Variants in PDIA3 observed in about 807,000 individuals in gnomAD.
The protein encoded by PDIA3 is protein disulfide isomerase family A member 3.
Under a neutral mutation model 56.9 loss-of-function variants are expected in PDIA3, and 16 were observed. The observed-to-expected ratio is 0.28, with a 90% CI of 0.19 to 0.43. The LOEUF is 0.43. Among genes scored for constraint, PDIA3 ranks in the 20% least tolerant of loss-of-function variants. The pLI is 1.00. For synonymous variants in PDIA3, 192 were observed against 216.5 expected (o/e 0.89, Z 0.99); for missense variants, 485 against 621.3 (o/e 0.78, Z 2.33).
In PDIA3 at chr15:43,753,805, T is replaced by C. The variant is rs776681640; in HGVS notation, c.168-19T>C. 3.2e-6 allele frequency: 5 copies of C among 1,581,016 alleles called. No homozygotes were observed. The South Asian group carries it at 3.3e-5, about 11-fold the overall frequency. On this transcript the variant is annotated intron_variant, in intron 1 of 12. Transcript: ENST00000300289. Reference sequence around the variant, plus strand: ...CATAGGACTAAACTGAGAATTTGGCTTTTTTAATACGTATATAGGTGTGGA... The same window carrying C: ...CATAGGACTAAACTGAGAATTTGGCCTTTTTAATACGTATATAGGTGTGGA...
intron 1 of PDIA3, among the ~76,000 whole-genome samples, chr15:43,750,821 C>T (rs1280649780): frequency 6.6e-6 from 1 of 150,498 alleles, no homozygotes; most frequent in Non-Finnish European, 1.5e-5. Flanking sequence ...GATGTGTATG[C>T]TACCCTCTAA....
chr15:43,762,560 T>C (rs1346235178), intron 4 of PDIA3, among the ~76,000 whole-genome samples: 1 of 152,030 alleles, frequency 6.6e-6, no homozygotes, highest in Non-Finnish European at 1.5e-5. Context: ...TATGGTTTAC[T>C]GTTTAAATTT....
intron 2 of PDIA3, 90 bp downstream of exon 2, chr15:43,753,992 A>G (rs1481107529): frequency 2.4e-6 from 2 of 839,360 alleles, no homozygotes; most frequent in Non-Finnish European, 2.0e-6. Flanking sequence ...AAAAAATAAC[A>G]GTAATAAATA....
chr15:43,748,761 G>A (rs1396077615), intron 1 of PDIA3, among the ~76,000 whole-genome samples: 2 of 149,464 alleles, frequency 1.3e-5, no homozygotes, highest in African/African-American at 5.0e-5. Context: ...TTTTTTGTGT[G>A]TGTGTTTGTG....
chr15:43,749,964 G>T (rs2141642663), intron 1 of PDIA3, among the ~76,000 whole-genome samples: 1 of 151,482 alleles, frequency 6.6e-6, no homozygotes, highest in Non-Finnish European at 1.5e-5. Flanking sequence ...AGTAAAATGG[G>T]CTTTTTTTTT....
At chr15:43,757,049 C>T (rs996996365) in intron 3 of PDIA3, among the ~76,000 whole-genome samples, 1 of 152,150 alleles carries the variant, frequency 6.6e-6, no homozygotes, top group Non-Finnish European at 1.5e-5. Flanking sequence ...TATACTAGGT[C>T]GTTGGCATTT....
rs1224941412 is a variant in PDIA3 at position 43,770,305 on chromosome 15, T to C, written c.1322T>C (p.Val441Ala). 1.9e-6 allele frequency: 3 copies of C among 1,613,958 alleles called. No individual in the cohort carries two copies. The highest frequency in any genetic ancestry group is 3.3e-4 in the Middle Eastern group (2 of 6,084). ...IAKMDATAND[V>A]PSPYEVRGFP... ...AAGATGGATGCCACAGCCAATGATGTGCCTTCTCCATATGAAGTCAGAGGG... is the reference window on the plus strand; with the variant it reads ...AAGATGGATGCCACAGCCAATGATGCGCCTTCTCCATATGAAGTCAGAGGG... Residue 441 changes from valine to alanine, a missense_variant, in exon 11 of 13, where the codon GTG becomes GCG. By Grantham distance (64) the Val-to-Ala change is moderately conservative. Transcript: ENST00000300289.
At chr15:43,759,460 A>G (rs187476309) in intron 3 of PDIA3, among the ~76,000 whole-genome samples, 2 of 152,078 alleles carry the variant, frequency 1.3e-5, no homozygotes, top group Admixed American at 6.5e-5. Context: ...TTCCTCATCA[A>G]TGTTACAGGA....
chr15:43,770,998 T>C (rs1490105329), intron 12 of PDIA3, 107 bp from the exon 13 acceptor site: 1 of 702,820 alleles, frequency 1.4e-6, no homozygotes, highest in South Asian at 1.8e-5. Flanking sequence ...GGGCAGTATA[T>C]GTGGCTGCTA....
intron 3 of PDIA3, among the ~76,000 whole-genome samples, chr15:43,759,133 A>AG (rs2086798619): frequency 2.6e-5 from 4 of 152,112 alleles, no homozygotes; most frequent in Admixed American, 6.6e-5. Context: ...TACTAAAAAT[A>AG]CAAAAAATTA....
chr15:43,769,748 G>GA, intron 10 of PDIA3, 102 bp downstream of exon 10: 1 of 1,287,086 alleles, frequency 7.8e-7, no homozygotes, highest in South Asian at 1.3e-5. Context: ...AGTACTGATA[G>GA]ATTTTTTTCC....
In PDIA3 at chr15:43,746,594, G is replaced by T; in HGVS notation, c.55G>T (p.Ala19Ser). The T allele has an allele frequency of 6.2e-7, 1 of 1,611,560 alleles. No individual in the cohort carries two copies. Among genetic ancestry groups the T allele is most frequent in the Non-Finnish European group, 8.5e-7 (1 of 1,179,606 alleles). ...FPGVALLLAA[A>S]RLAAASDVLE... ...GGGTGTGGCGCTGCTTCTTGCCGCG[G>T]CCCGCCTCGCCGCTGCCTCCGACGT... is the stretch of plus-strand genomic sequence containing the variant. The change falls in exon 1 of 13, where the codon GCC becomes TCC. Residue 19 changes from alanine (A) to serine (S), a missense_variant. Ala to Ser is a moderately conservative substitution (Grantham distance 99). Transcript: ENST00000300289.
At chr15:43,747,964 G>A (rs1296610919) in intron 1 of PDIA3, among the ~76,000 whole-genome samples, 1 of 152,158 alleles carries the variant, frequency 6.6e-6, no homozygotes, top group East Asian at 1.9e-4. Context: ...CATATAGATA[G>A]TTCTTATACA....
intron 1 of PDIA3, chr15:43,751,813 A>T (rs1162171890): frequency 4.1e-6 from 5 of 1,231,580 alleles, no homozygotes; most frequent in Non-Finnish European, 5.3e-6. Flanking sequence ...TTTGATAAGC[A>T]TCTAGAGTTG....
intron 3 of PDIA3, among the ~76,000 whole-genome samples, chr15:43,757,497 G>A (rs1414232685): frequency 4.6e-5 from 7 of 151,546 alleles, no homozygotes; most frequent in Non-Finnish European, 1.0e-4. Context: ...GGCGGAGCTT[G>A]CAGTGAGCCG....
rs2086841060 is a variant in PDIA3 at position 43,765,341 on chromosome 15, A to G, written c.603-109A>G. On this transcript the variant is annotated intron_variant, in intron 5 of 12. Transcript: ENST00000300289. The stretch of plus-strand genomic sequence containing the variant: ...GGCTACAGTGAGCTATAATCACACC[A>G]TTGCACTCCAGCCTGAGCAACAGAG... 4 of 726,600 alleles carry G rather than the reference A, an allele frequency of 5.5e-6. No individual in the cohort carries two copies. In the Admixed American group the frequency reaches 6.3e-5, roughly 11 times the overall value. The allele number at this position is 726,600 out of a possible 1,614,324, so 45.0% of individuals were successfully genotyped here.
rs1361349740 is a variant in PDIA3, at chr15:43,763,140, G to C, written c.536G>C (p.Arg179Thr). 6.2e-7 allele frequency: 1 copy of C among 1,614,124 alleles called. No homozygotes were observed. Among genetic ancestry groups the C allele is most frequent in the Non-Finnish European group, 8.5e-7 (1 of 1,179,984 alleles). Residue 179 changes from arginine to threonine, a missense_variant, in exon 5 of 13, where the codon AGG (arginine) becomes ACG (threonine). Coordinates refer to ENST00000300289, the MANE Select transcript of PDIA3 (RefSeq NM_005313.5). ...TTCCTAAAAGCAGCCAGCAACTTGA[G>C]GGATAACTACCGATTTGCACATACG... ...SEFLKAASNL[R>T]DNYRFAHTNV...
At chr15:43,763,496 A>C (rs978344812) in intron 5 of PDIA3, among the ~76,000 whole-genome samples, 4 of 152,024 alleles carry the variant, frequency 2.6e-5, no homozygotes, top group Non-Finnish European at 5.9e-5. Flanking sequence ...CAAGTGTTCC[A>C]CCCACCTCGG....
intron 8 of PDIA3, among the ~76,000 whole-genome samples, chr15:43,767,485 TAGC>T (rs2086855046): frequency 6.6e-6 from 1 of 151,786 alleles, no homozygotes; most frequent in Non-Finnish European, 1.5e-5. Flanking sequence ...TCATTAGAAA[TAGC>T]AGATAAAGGG....
Sources: gnomAD v4.1 joint callset for allele counts (sites outside exome capture counted in the v4.1 genomes callset) on GRCh38, gnomAD v4.1.1 for gene constraint, MANE v1.5 for transcripts, NCBI Gene and HGNC (gene_info 2026-07-23, HGNC 2026-07-21) for gene names.